Variants in CTNND2 observed in about 807,000 individuals in gnomAD.
The protein encoded by CTNND2 is catenin delta-2.
In CTNND2, 22 loss-of-function variants were observed where a neutral mutation model predicts 144.4. The observed-to-expected ratio is 0.15, with a 90% CI of 0.11 to 0.22. The LOEUF (loss-of-function observed/expected upper bound fraction) is 0.22, where lower values mean the gene tolerates loss of function less well. Ranked by LOEUF, CTNND2 falls within the 10% of genes least tolerant of loss-of-function variation. The pLI is 1.00. For synonymous variants in CTNND2, 751 were observed against 695.6 expected, an observed-to-expected ratio of 1.08 and a Z score of -1.25; for missense variants, 1,353 against 1,618.8, an observed-to-expected ratio of 0.84 and a Z score of 2.82.
intron 1 of CTNND2, among the ~76,000 whole-genome samples, chr5:11,894,114 A>G (rs1011423320): frequency 6.6e-6 from 1 of 152,146 alleles, no homozygotes; most frequent in Non-Finnish European, 1.5e-5. Context: ...ATTTAAGGAA[A>G]TATCTCAAAA....
At chr5:11,837,840 T>C (rs1184072450) in intron 1 of CTNND2, among the ~76,000 whole-genome samples, 1 of 152,174 alleles carries the variant, frequency 6.6e-6, no homozygotes, top group African/African-American at 2.4e-5. Flanking sequence ...ATCTACAAAG[T>C]AGTTGGTTAT....
intron 3 of CTNND2, among the ~76,000 whole-genome samples, chr5:11,441,758 T>G (rs1277319009): frequency 2.6e-5 from 4 of 151,862 alleles, no homozygotes; most frequent in Non-Finnish European, 5.9e-5. Flanking sequence ...GGGCAGTTTC[T>G]CAGCTCATTA....
intron 11 of CTNND2, among the ~76,000 whole-genome samples, chr5:11,193,690 T>C (rs898236880): frequency 6.6e-6 from 1 of 152,110 alleles, no homozygotes; most frequent in South Asian, 2.1e-4. Flanking sequence ...AAGAGCTTTC[T>C]TGACAAATTA....
At chr5:11,556,540 T>C (rs1241043791) in intron 3 of CTNND2, among the ~76,000 whole-genome samples, 1 of 152,186 alleles carries the variant, frequency 6.6e-6, no homozygotes, top group East Asian at 1.9e-4. Flanking sequence ...CTGTTAACTA[T>C]TAATATATTA....
Position 11,181,713 on chromosome 5 carries a change from GGT to G in CTNND2, c.1975+17733_1975+17734del, listed in dbSNP as rs764261555. 8.0e-4 allele frequency among the ~76,000 whole-genome samples: 120 copies of G among 150,136 alleles called. 1 individual carries two copies. Among genetic ancestry groups the G allele is most frequent in the African/African-American group, 2.3e-3 (93 of 40,932 alleles). ...TGGTGTGTGTGTGGTGTATGCGTGT[GGT>G]GTGTGTGTGTGTTATGTGTGGCATG... On this transcript the variant is annotated intron_variant, in intron 11 of 21. Transcript: ENST00000304623.
intron 1 of CTNND2, among the ~76,000 whole-genome samples, chr5:11,734,727 C>T (rs1416294146): frequency 1.3e-5 from 2 of 152,160 alleles, no homozygotes; most frequent in Non-Finnish European, 2.9e-5. Flanking sequence ...GTGATTTCCA[C>T]AGTAGCCTTT....
intron 10 of CTNND2, among the ~76,000 whole-genome samples, chr5:11,215,546 C>A (rs1739085852): frequency 6.6e-6 from 1 of 152,114 alleles, no homozygotes; most frequent in African/African-American, 2.4e-5. Flanking sequence ...GGTTGAATAT[C>A]CAATTTCCAT....
intron 11 of CTNND2, among the ~76,000 whole-genome samples, chr5:11,178,618 C>G (rs13159061): frequency 0.083 from 12,622 of 152,100 alleles, 577 homozygotes; most frequent in African/African-American, 0.1. Context: ...GAGGCAAATG[C>G]TGGTTATGGA....
At chr5:11,826,437 G>A (rs1428889018) in intron 1 of CTNND2, among the ~76,000 whole-genome samples, 1 of 151,906 alleles carries the variant, frequency 6.6e-6, no homozygotes, top group African/African-American at 2.4e-5. Flanking sequence ...AACTTTGGGG[G>A]AAAATAAGAA....
intron 3 of CTNND2, among the ~76,000 whole-genome samples, chr5:11,551,962 T>C (rs527890770): frequency 6.6e-6 from 1 of 152,010 alleles, no homozygotes; most frequent in Non-Finnish European, 1.5e-5. Context: ...CTCGAACTCC[T>C]GGCCTCAAGT....
chr5:11,727,413 C>G (rs753376051), intron 2 of CTNND2, among the ~76,000 whole-genome samples: 4 of 152,276 alleles, frequency 2.6e-5, no homozygotes, highest in Non-Finnish European at 5.9e-5. Context: ...CCCAGTTCCA[C>G]GGACTCCTAG....
chr5:11,884,432 G>C (rs570512885), intron 1 of CTNND2, among the ~76,000 whole-genome samples: 4 of 152,184 alleles, frequency 2.6e-5, no homozygotes, highest in African/African-American at 9.6e-5. Flanking sequence ...ATTAAATAGG[G>C]AATCCTTTCC....
intron 9 of CTNND2, among the ~76,000 whole-genome samples, chr5:11,247,419 C>T (rs930283984): frequency 3.9e-5 from 6 of 152,200 alleles, no homozygotes; most frequent in Non-Finnish European, 7.3e-5. Context: ...GGGCCCACTA[C>T]GCAGGTTAGT....
In CTNND2 at chr5:11,326,098, C is replaced by T. The variant is rs142143795; in HGVS notation, c.1628+20274G>A. Among the ~76,000 whole-genome samples the T allele has an allele frequency of 9.7e-3, 1,470 of 152,226 alleles. 8 individuals carry two copies. The highest frequency in any genetic ancestry group is 0.047 in the South Asian group (227 of 4,818). On this transcript the variant is annotated intron_variant, in intron 9 of 21. Transcript: ENST00000304623. ...ACTGAAACCTGCTGAATATGTACAC[C>T]AAGCCACCCTCCCAGCATCAATTCC... is the stretch of plus-strand genomic sequence containing the variant.
At chr5:11,114,317 C>A (rs1753329492) in intron 13 of CTNND2, among the ~76,000 whole-genome samples, 1 of 151,566 alleles carries the variant, frequency 6.6e-6, no homozygotes, top group African/African-American at 2.4e-5. Context: ...TATAATCGAG[C>A]TGCAGCTGGG....
At chr5:11,643,504 C>T (rs1054347574) in intron 2 of CTNND2, among the ~76,000 whole-genome samples, 7 of 150,272 alleles carry the variant, frequency 4.7e-5, no homozygotes, top group South Asian at 4.3e-4. Flanking sequence ...TTTGTCCTTG[C>T]GATAGTTTGC....
chr5:11,876,836 T>C (rs1582048318), intron 1 of CTNND2, among the ~76,000 whole-genome samples: 1 of 152,204 alleles, frequency 6.6e-6, no homozygotes, highest in Non-Finnish European at 1.5e-5. Flanking sequence ...ATTATTATTA[T>C]AAATCAAACA....
chr5:11,689,264 A>C (rs1186006056), intron 2 of CTNND2, among the ~76,000 whole-genome samples: 2 of 152,142 alleles, frequency 1.3e-5, no homozygotes, highest in African/African-American at 2.4e-5. Flanking sequence ...AATCTGCAAA[A>C]ATGGGAATGA....
chr5:11,120,647 C>G (rs1332881647), intron 12 of CTNND2, among the ~76,000 whole-genome samples: 14 of 66,864 alleles, frequency 2.1e-4, no homozygotes, highest in African/African-American at 7.4e-4. Flanking sequence ...TACATATAGA[C>G]TTCAAGAGGG....
Sources: allele counts gnomAD v4.1 joint callset (sites outside exome capture counted in the v4.1 genomes callset), GRCh38; gene constraint gnomAD v4.1.1; transcripts MANE v1.5; gene names NCBI Gene and HGNC (gene_info 2026-07-23, HGNC 2026-07-21).